CAPN10: variants seen among roughly 807,000 people sequenced by gnomAD.
The protein encoded by CAPN10 is calpain 10.
A neutral mutation model predicts 78.4 loss-of-function variants in CAPN10; 71 were observed. The observed-to-expected ratio is 0.91, with a 90% CI of 0.75 to 1.10. The LOEUF (loss-of-function observed/expected upper bound fraction) is 1.10. Ranked by LOEUF, CAPN10 falls within the 50% of genes least tolerant of loss-of-function variation. The pLI, the probability that CAPN10 is intolerant of heterozygous loss-of-function variation, is 0.00. For synonymous variants in CAPN10, 437 were observed against 407.2 expected (o/e 1.07, Z -0.88); for missense variants, 849 against 924.6 (o/e 0.92, Z 1.06).
intron 10 of CAPN10, 32 bp downstream of exon 10, chr2:240,598,119 G>T (rs2093149097): frequency 1.3e-6 from 2 of 1,577,476 alleles, no homozygotes; most frequent in Non-Finnish European, 8.7e-7. Context: ...GCGGCCAGCT[G>T]GAGGCTGGGG....
At chr2:240,598,519 G>T in intron 11 of CAPN10, 122 bp downstream of exon 11, 1 of 1,454,320 alleles carries the variant, frequency 6.9e-7, no homozygotes, top group Non-Finnish European at 9.5e-7. Context: ...GACTCTTCCT[G>T]TGAGAGCCCC....
chr2:240,590,909 C>A lies in CAPN10; in HGVS notation c.368C>A (p.Thr123Asn). The A allele has an allele frequency of 6.2e-7, 1 of 1,614,204 alleles. No homozygotes were observed. Among genetic ancestry groups the A allele is most frequent in the South Asian group, 1.1e-5 (1 of 91,090 alleles). Residue 123 changes from threonine (T) to asparagine (N), a missense_variant, in exon 3 of 12, where the codon ACC becomes AAC. By Grantham distance (65) the Thr-to-Asn change is moderately conservative. Coordinates refer to ENST00000391984, the MANE Select transcript of CAPN10 (RefSeq NM_023083.4). Reference sequence around the variant, plus strand: ...CAGTTTGGACGCTGGGTGGAGGTGACCACAGATGACCGCCTGCCGTGCCTT... The same window carrying A: ...CAGTTTGGACGCTGGGTGGAGGTGAACACAGATGACCGCCTGCCGTGCCTT... ...IWQFGRWVEV[T>N]TDDRLPCLAG...
At chr2:240,587,478 T>C (rs367921283) in intron 1 of CAPN10, among the ~76,000 whole-genome samples, 271 of 152,364 alleles carry the variant, frequency 1.8e-3, no homozygotes, top group African/African-American at 6.1e-3. Flanking sequence ...ATTTCAGTTT[T>C]GGATTTTGTG....
At chr2:240,590,229 T>G (rs559824582) in intron 2 of CAPN10, 1 of 152,462 alleles carries the variant, frequency 6.6e-6, no homozygotes, top group Admixed American at 6.5e-5. Flanking sequence ...CCCCCGATGC[T>G]GGGTCAGAAT....
intron 2 of CAPN10, chr2:240,589,705 G>C (rs61210947): frequency 1.8e-6 from 1 of 565,542 alleles, no homozygotes. Flanking sequence ...AGGGAGGTTC[G>C]CCCTGCTCTG....
intron 5 of CAPN10, 42 bp downstream of exon 5, chr2:240,594,089 G>A (rs768472279): frequency 1.4e-5 from 22 of 1,529,056 alleles, no homozygotes; most frequent in Non-Finnish European, 1.9e-5. Flanking sequence ...CGGGAGGGGG[G>A]CCCAGTGCCA....
Position 240,598,029 on chromosome 2 carries a change from A to T in CAPN10, c.1885A>T (p.Thr629Ser), listed in dbSNP as rs1233194625. The change falls in exon 10 of 12, where the codon ACC (threonine) becomes TCC (serine). Residue 629 changes from threonine (T) to serine (S), a missense_variant. By Grantham distance (58) the Thr-to-Ser change is moderately conservative. Coordinates refer to ENST00000391984, the MANE Select transcript of CAPN10 (RefSeq NM_023083.4). Reference sequence around the variant, plus strand: ...GGGCACCTACAAGGTTGTGCCCTCCACCTACCTGCCGGACACAGAGGGGGC... The same window carrying T: ...GGGCACCTACAAGGTTGTGCCCTCCTCCTACCTGCCGGACACAGAGGGGGC... The part of the protein sequence containing the change: ...PAGTYKVVPS[T>S]YLPDTEGAFT... The T allele has an allele frequency of 6.2e-7, 1 of 1,613,048 alleles. No homozygotes were observed. The highest frequency in any genetic ancestry group is 8.5e-7 in the Non-Finnish European group (1 of 1,179,848).
At chr2:240,589,264 C>A in intron 1 of CAPN10, 79 bp from the exon 2 acceptor site, 2 of 1,583,716 alleles carry the variant, frequency 1.3e-6, no homozygotes, top group Non-Finnish European at 1.7e-6. Flanking sequence ...CAACTCCTGT[C>A]ATCTAGAGCC....
At position 240,595,205 on chromosome 2, in the gene CAPN10, A is replaced by G. The variant is rs1177202751; in HGVS notation, c.1179A>G (p.Ala393=). 3 of 1,613,720 alleles carry G rather than the reference A, an allele frequency of 1.9e-6. No individual in the cohort carries two copies. The highest frequency in any genetic ancestry group is 2.5e-6 in the Non-Finnish European group (3 of 1,180,014). ...QRSRLHAADW[A]GRARALVGDS... ...CCAGGCTGCACGCGGCGGACTGGGC[A>G]GGCCGGGCCCGGGCACTGGTGGGTG... The change falls in exon 7 of 12, where the codon GCA becomes GCG. Residue 393 remains alanine, a synonymous_variant. Coordinates refer to ENST00000391984, the MANE Select transcript of CAPN10 (RefSeq NM_023083.4).
intron 9 of CAPN10, 56 bp downstream of exon 9, chr2:240,596,998 G>A: frequency 3.1e-6 from 5 of 1,605,626 alleles, no homozygotes; most frequent in Non-Finnish European, 4.3e-6. Context: ...CAGAGAATTT[G>A]CATCTTGGCC....
chr2:240,596,598 CTG>C, intron 8 of CAPN10, 77 bp downstream of exon 8: 2 of 1,537,248 alleles, frequency 1.3e-6, no homozygotes, highest in East Asian at 2.3e-5. Context: ...CACTTTCCCT[CTG>C]TGGTTGGCAG....
Position 240,597,914 on chromosome 2 carries a change from C to T in CAPN10, c.1770C>T (p.Asp590=), listed in dbSNP as rs745381136. The change falls in exon 10 of 12, where the codon GAC becomes GAT. Residue 590 remains aspartate (D), a synonymous_variant. Transcript: ENST00000391984. ...TCCCAGAGGGTGGAAGGAGCCAGGA[C>T]GCACCCCCACTGCTGCTGCAGGAGC... ...FQVPEGGRSQ[D]APPLLLQEPL... is the part of the protein sequence containing the mutation. 2.4e-5 allele frequency: 39 copies of T among 1,608,634 alleles called. 1 individual carries two copies. The South Asian group carries it at 2.9e-4, about 12-fold the overall frequency.
At position 240,598,438 on chromosome 2, in the gene CAPN10, G is replaced by C. The variant is rs756465739; in HGVS notation, c.1989+41G>C. The C allele has an allele frequency of 3.1e-6, 5 of 1,608,566 alleles. No homozygotes were observed. In the Admixed American group the frequency reaches 5.0e-5, roughly 16 times the overall value. On this transcript the variant is annotated intron_variant, in intron 11 of 11. Transcript: ENST00000391984. The stretch of plus-strand genomic sequence containing the variant: ...CGCCAGCCCGGCTCACCTGCCTGGG[G>C]CTGCCTGGTGGCCTAGGGTCTACCT...
At chr2:240,595,387 G>A in intron 7 of CAPN10, 83 bp downstream of exon 7, 6 of 1,447,326 alleles carry the variant, frequency 4.1e-6, no homozygotes, top group Non-Finnish European at 5.6e-6. Context: ...GACTGGCTCT[G>A]CCGGGACACA....
rs1001231241 is a variant in CAPN10 at position 240,595,799 on chromosome 2, A to G, written c.1278+495A>G. On this transcript the variant is annotated intron_variant, in intron 7 of 11. Coordinates refer to ENST00000391984, the MANE Select transcript of CAPN10 (RefSeq NM_023083.4). ...TGAGGCCCAGGCAGTCCCAGGCTCA[A>G]CCACTGGTTCACAAAGTGTGTTGTT... 5.5e-5 allele frequency: 30 copies of G among 544,936 alleles called. No homozygotes were observed. In the East Asian group the frequency reaches 7.3e-4, roughly 13 times the overall value. The allele number at this position is 544,936 out of a possible 1,614,324, so 33.8% of individuals were successfully genotyped here.
rs970129881 is a variant in CAPN10, at chr2:240,590,680, T to G, written c.274-135T>G. The G allele has an allele frequency of 1.4e-5, 9 of 663,022 alleles. 1 individual carries two copies. In the Admixed American group the frequency reaches 1.9e-4, roughly 14 times the overall value. The allele number at this position is 663,022 out of a possible 1,614,324, so 41.1% of individuals were successfully genotyped here. ...CGTAGAGTTCTCTGCGACATCCAGG[T>G]GTGCGTTAGAGTTCTCTGCAGACCG... On this transcript the variant is annotated intron_variant, in intron 2 of 11. Coordinates refer to ENST00000391984, the MANE Select transcript of CAPN10 (RefSeq NM_023083.4).
At chr2:240,591,494 C>T (rs1468799074) in intron 3 of CAPN10, 1 of 238,108 alleles carries the variant, frequency 4.2e-6, no homozygotes, top group Non-Finnish European at 8.2e-6. Context: ...CATTTGTCTT[C>T]TTGCCAAAGG....
intron 4 of CAPN10, 46 bp downstream of exon 4, chr2:240,592,196 C>A: frequency 6.7e-7 from 1 of 1,484,066 alleles, no homozygotes; most frequent in South Asian, 1.2e-5. Flanking sequence ...AGCGTGCCCC[C>A]CACTGCCAGG....
chr2:240,597,141 G>A (rs1273216402), intron 9 of CAPN10, among the ~76,000 whole-genome samples, 199 bp downstream of exon 9: 1 of 152,260 alleles, frequency 6.6e-6, no homozygotes, highest in East Asian at 1.9e-4. Flanking sequence ...ATGGCCTCTG[G>A]AAGGGCCGGG....
Sources: gnomAD v4.1 joint callset for allele counts (sites outside exome capture counted in the v4.1 genomes callset) on GRCh38, gnomAD v4.1.1 for gene constraint, MANE v1.5 for transcripts, NCBI Gene and HGNC (gene_info 2026-07-23, HGNC 2026-07-21) for gene names.